Variants in MTIF2 observed in about 807,000 individuals in gnomAD.
The protein encoded by MTIF2 is translation initiation factor IF-2, mitochondrial.
A neutral mutation model predicts 83.5 loss-of-function variants in MTIF2; 71 were observed. The ratio of observed to expected loss-of-function variants is 0.85; its 90% CI spans 0.70 to 1.04. The LOEUF is 1.04. Ranked by LOEUF, MTIF2 falls within the 50% of genes least tolerant of loss-of-function variation. MTIF2 has a pLI of 0.00. For missense variants in MTIF2, 957 were observed against 846.5 expected, an observed-to-expected ratio of 1.13 and a Z score of -1.62; for synonymous variants, 319 against 287.1, an observed-to-expected ratio of 1.11 and a Z score of -1.12.
chr2:55,267,021 C>T (rs989300130), intron 3 of MTIF2, among the ~76,000 whole-genome samples: 3 of 151,926 alleles, frequency 2.0e-5, no homozygotes, highest in Non-Finnish European at 4.4e-5. Flanking sequence ...CCACCTGTCT[C>T]AGCCTCCCAA....
chr2:55,243,795 T>G, intron 11 of MTIF2, 127 bp from the exon 12 acceptor site: 9 of 1,113,600 alleles, frequency 8.1e-6, no homozygotes, highest in Non-Finnish European at 1.1e-5. Flanking sequence ...TTTATAAGTT[T>G]CAAGAAACAT....
intron 7 of MTIF2, among the ~76,000 whole-genome samples, chr2:55,253,349 T>A (rs1677248958): frequency 6.6e-6 from 1 of 152,212 alleles, no homozygotes; most frequent in South Asian, 2.1e-4. Flanking sequence ...TGTAGACTCA[T>A]TAAATCAAAC....
intron 3 of MTIF2, among the ~76,000 whole-genome samples, chr2:55,264,087 A>G (rs964359133): frequency 6.6e-6 from 1 of 152,216 alleles, no homozygotes; most frequent in South Asian, 2.1e-4. Flanking sequence ...TGTTAATGTT[A>G]CCACTATGAT....
intron 8 of MTIF2, 44 bp downstream of exon 8, chr2:55,252,433 C>G (rs372336845): frequency 1.9e-6 from 3 of 1,575,292 alleles, no homozygotes; most frequent in Non-Finnish European, 2.6e-6. Context: ...GGCCCCAGAA[C>G]TTTGACTTTA....
intron 13 of MTIF2, 109 bp downstream of exon 13, chr2:55,242,831 C>T: frequency 9.0e-7 from 1 of 1,111,484 alleles, no homozygotes; most frequent in Non-Finnish European, 1.3e-6. Context: ...AAGGGTGATG[C>T]TGATAGCAGT....
chr2:55,236,759 ATCCAT>A lies in MTIF2; in HGVS notation c.2068_2072del (p.Met690LeufsTer7). ...TGTCTTCATCTAAACTGAGACCACAATCCATTCCCGTTTTGACAATTGAAATGTCA... is the reference window on the plus strand; with the variant it reads ...TGTCTTCATCTAAACTGAGACCACAATCCCGTTTTGACAATTGAAATGTCA... On this transcript the variant is annotated frameshift_variant, in exon 16 of 16. Coordinates refer to ENST00000263629, the MANE Select transcript of MTIF2 (RefSeq NM_002453.3). LOFTEE classifies it high-confidence loss of function. The A allele has an allele frequency of 6.2e-7, 1 of 1,611,608 alleles. No homozygotes were observed.
intron 13 of MTIF2, among the ~76,000 whole-genome samples, chr2:55,242,428 A>G (rs1432653746): frequency 6.6e-6 from 1 of 152,242 alleles, no homozygotes; most frequent in Admixed American, 6.5e-5. Context: ...TGTATCATAA[A>G]TTCAACTAAT....
intron 4 of MTIF2, among the ~76,000 whole-genome samples, chr2:55,263,401 A>C (rs1678183219): frequency 1.3e-5 from 2 of 152,172 alleles, no homozygotes. Flanking sequence ...ATTTGTACTC[A>C]TGGTTCTAGG....
In MTIF2 at chr2:55,254,728, C is replaced by T. The variant is rs753731987; in HGVS notation, c.429G>A (p.Thr143=). ...TCCACTTTAACTTCATCCCTGCCTT[C>T]GTTATCACTTCTTTGATCCAGACTT... ...LDEVWIKEVI[T]KAGMKLKWSK... Residue 143 remains threonine, a synonymous_variant, in exon 6 of 16, where the codon ACG becomes ACA. Transcript: ENST00000263629. 3.1e-6 allele frequency: 5 copies of T among 1,610,798 alleles called. No homozygotes were observed. The highest frequency in any genetic ancestry group is 3.4e-6 in the Non-Finnish European group (4 of 1,178,640).
chr2:55,260,988 AT>A (rs1305792862), intron 5 of MTIF2, among the ~76,000 whole-genome samples: 1 of 151,076 alleles, frequency 6.6e-6, no homozygotes, highest in Non-Finnish European at 1.5e-5. Context: ...TACTACCAGT[AT>A]TTCTTTTTTT....
In MTIF2 at chr2:55,242,921, G is replaced by C; in HGVS notation, c.1705+19C>G. 6.3e-7 allele frequency: 1 copy of C among 1,598,234 alleles called. No homozygotes were observed. ...TTATTTGGGGAACACAGATTAACAA[G>C]AAGAAATGGAATCCTTACCATCAAA... On this transcript the variant is annotated intron_variant, in intron 13 of 15. Transcript: ENST00000263629.
In MTIF2 at chr2:55,254,808, A is replaced by G; in HGVS notation, c.349T>C (p.Leu117=). 6.3e-7 allele frequency: 1 copy of G among 1,594,900 alleles called. No individual in the cohort carries two copies. Among genetic ancestry groups the G allele is most frequent in the South Asian group, 1.1e-5 (1 of 87,530 alleles). ...EKNTDYVYEA[L]LNTDIDIDSL... Reference sequence around the variant, plus strand: ...TCTATGTCAATATCAGTGTTCAATAAAGCTTCATATACATAATCTGATTGG... The same window carrying G: ...TCTATGTCAATATCAGTGTTCAATAGAGCTTCATATACATAATCTGATTGG... Residue 117 remains leucine (L), a synonymous_variant, in exon 6 of 16, where the codon TTA becomes CTA. Coordinates refer to ENST00000263629, the MANE Select transcript of MTIF2 (RefSeq NM_002453.3).
intron 9 of MTIF2, among the ~76,000 whole-genome samples, chr2:55,248,651 T>C (rs1050392576): frequency 6.6e-6 from 1 of 152,206 alleles, no homozygotes; most frequent in Admixed American, 6.5e-5. Flanking sequence ...TAAATAACAT[T>C]TTAAAACATG....
intron 5 of MTIF2, 74 bp from the exon 6 acceptor site, chr2:55,254,899 CTATA>C (rs1409522978): frequency 1.1e-6 from 1 of 872,598 alleles, no homozygotes; most frequent in Admixed American, 3.9e-5. Flanking sequence ...TAATAAATGT[CTATA>C]TAAACAGTAC....
At chr2:55,242,272 C>T (rs574890452) in intron 13 of MTIF2, among the ~76,000 whole-genome samples, 1 of 152,182 alleles carries the variant, frequency 6.6e-6, no homozygotes, top group Non-Finnish European at 1.5e-5. Flanking sequence ...TTACCTCTAT[C>T]CTTTTCAGTA....
intron 6 of MTIF2, 108 bp downstream of exon 6, chr2:55,254,546 A>G (rs944589614): frequency 2.1e-6 from 2 of 935,920 alleles, no homozygotes; most frequent in African/African-American, 1.7e-5. Flanking sequence ...TTATACACAC[A>G]TATCTTTATT....
intron 5 of MTIF2, among the ~76,000 whole-genome samples, chr2:55,261,468 G>A (rs1410268732): frequency 2.0e-5 from 3 of 151,754 alleles, no homozygotes; most frequent in East Asian, 1.9e-4. Context: ...TTAGCCGGGC[G>A]TGGTTGTGGG....
intron 5 of MTIF2, among the ~76,000 whole-genome samples, chr2:55,257,706 T>C (rs1338800436): frequency 6.6e-6 from 1 of 152,200 alleles, no homozygotes; most frequent in Non-Finnish European, 1.5e-5. Context: ...CTTTTTACCA[T>C]ATAGATATGA....
intron 10 of MTIF2, among the ~76,000 whole-genome samples, chr2:55,245,963 T>G (rs1676666429): frequency 3.9e-5 from 6 of 152,294 alleles, no homozygotes; most frequent in Admixed American, 3.9e-4. Flanking sequence ...CGTATTATAT[T>G]AATGGGTAAA....
Sources: gnomAD v4.1 joint callset for allele counts (sites outside exome capture counted in the v4.1 genomes callset) on GRCh38, gnomAD v4.1.1 for gene constraint, MANE v1.5 for transcripts, NCBI Gene and HGNC (gene_info 2026-07-23, HGNC 2026-07-21) for gene names.